PIWIL4: variants seen among roughly 807,000 people sequenced by gnomAD.
The protein encoded by PIWIL4 is piwi like RNA-mediated gene silencing 4, also known as piwi-like protein 4.
PIWIL4 carries 50 observed loss-of-function variants against 100.9 expected under a neutral mutation model. The ratio of observed to expected loss-of-function variants is 0.50; its 90% CI spans 0.39 to 0.63. The LOEUF (loss-of-function observed/expected upper bound fraction) is 0.63. PIWIL4 is among the 20% of genes least tolerant of loss of function. The pLI, the probability that PIWIL4 is intolerant of heterozygous loss-of-function variation, is 0.00. For missense variants in PIWIL4, 887 were observed against 1,043.3 expected, an observed-to-expected ratio of 0.85 and a Z score of 2.06; for synonymous variants, 342 against 367.5, an observed-to-expected ratio of 0.93 and a Z score of 0.79.
chr11:94,613,612 A>G (rs1287091861), intron 15 of PIWIL4, among the ~76,000 whole-genome samples: 1 of 152,184 alleles, frequency 6.6e-6, no homozygotes, highest in Non-Finnish European at 1.5e-5. Flanking sequence ...TGGTATCCCA[A>G]AAACTCCATA....
rs772232396 is a variant in PIWIL4 at position 94,589,237 on chromosome 11, G to A, written c.1026+5G>A. 6.3e-7 allele frequency: 1 copy of A among 1,574,990 alleles called. No individual in the cohort carries two copies. The highest frequency in any genetic ancestry group is 1.3e-5 in the African/African-American group (1 of 74,148). ...TATGTGGATTACTACAAGCAGGTAG[G>A]ACTTTTCTTCATGCATCTCTATCTC... On this transcript the variant is annotated splice_donor_5th_base_variant and intron_variant, in intron 8 of 19. Transcript: ENST00000299001.
chr11:94,613,548 C>T (rs971401647), intron 15 of PIWIL4, among the ~76,000 whole-genome samples: 4 of 152,168 alleles, frequency 2.6e-5, no homozygotes, highest in East Asian at 1.9e-4. Flanking sequence ...AAGCTTTCCA[C>T]CTATCTCTGT....
intron 8 of PIWIL4, among the ~76,000 whole-genome samples, chr11:94,589,800 G>A (rs1948458069): frequency 6.6e-6 from 1 of 152,100 alleles, no homozygotes. Flanking sequence ...TCCCCTCCCT[G>A]TCTCAGGTCA....
intron 15 of PIWIL4, among the ~76,000 whole-genome samples, chr11:94,612,952 T>C (rs1948803361): frequency 6.6e-6 from 1 of 152,218 alleles, no homozygotes; most frequent in South Asian, 2.1e-4. Flanking sequence ...TATTTTAAAA[T>C]ACTTTGATCT....
intron 9 of PIWIL4, among the ~76,000 whole-genome samples, chr11:94,594,265 G>A (rs1418064163): frequency 6.6e-6 from 1 of 151,894 alleles, no homozygotes; most frequent in African/African-American, 2.4e-5. Context: ...TCAGGAGTTC[G>A]AGACCAGCCT....
Position 94,583,492 on chromosome 11 carries a change from G to A in PIWIL4, c.558G>A (p.Lys186=). The change falls in exon 5 of 20, where the codon AAG becomes AAA. Residue 186 remains lysine (K), a synonymous_variant. Coordinates refer to ENST00000299001, the MANE Select transcript of PIWIL4 (RefSeq NM_152431.3). ...SSETQRGETI[K]MTITLKRELP... The stretch of plus-strand genomic sequence containing the variant: ...AAACTCAAAGAGGTGAGACTATAAA[G>A]ATGACTATCACCCTGAAGAGGGAGC... The A allele has an allele frequency of 6.2e-7, 1 of 1,613,826 alleles. No individual in the cohort carries two copies. The highest frequency in any genetic ancestry group is 8.5e-7 in the Non-Finnish European group (1 of 1,179,722).
intron 19 of PIWIL4, among the ~76,000 whole-genome samples, chr11:94,620,553 T>A (rs1319263530): frequency 6.6e-6 from 1 of 152,160 alleles, no homozygotes; most frequent in Non-Finnish European, 1.5e-5. Context: ...GGCCAAGAGC[T>A]GTTCCCAAAG....
chr11:94,590,410 C>T (rs1018299587), intron 8 of PIWIL4, among the ~76,000 whole-genome samples: 1 of 152,152 alleles, frequency 6.6e-6, no homozygotes, highest in East Asian at 1.9e-4. Context: ...TCTCCTTTGA[C>T]GTTTTCCTCC....
intron 11 of PIWIL4, among the ~76,000 whole-genome samples, chr11:94,599,086 C>T (rs1251696791): frequency 6.6e-6 from 1 of 152,078 alleles, no homozygotes; most frequent in Non-Finnish European, 1.5e-5. Context: ...TTTTTCAACA[C>T]AAAACAAAAC....
chr11:94,589,162 C>T lies in PIWIL4; in HGVS notation c.956C>T (p.Ser319Leu). 2 of 1,613,078 alleles carry T rather than the reference C, an allele frequency of 1.2e-6. No homozygotes were observed. Among genetic ancestry groups the T allele is most frequent in the Non-Finnish European group, 1.7e-6 (2 of 1,179,142 alleles). ...RTYSIDDIDW[S>L]VKPTHTFQKR... ...TACTCCATTGATGACATTGACTGGT[C>T]AGTGAAGCCCACACACACCTTTCAG... Residue 319 changes from serine to leucine, a missense_variant, in exon 8 of 20, where the codon TCA becomes TTA. Ser to Leu is a moderately radical substitution (Grantham distance 145). Coordinates refer to ENST00000299001, the MANE Select transcript of PIWIL4 (RefSeq NM_152431.3).
intron 11 of PIWIL4, 80 bp downstream of exon 11, chr11:94,597,995 G>A: frequency 4.7e-6 from 5 of 1,060,574 alleles, no homozygotes; most frequent in Middle Eastern, 4.1e-4. Flanking sequence ...AGAGTGGCTT[G>A]TGTGCTTATA....
intron 4 of PIWIL4, among the ~76,000 whole-genome samples, chr11:94,582,946 A>T (rs1022152776): frequency 1.3e-5 from 2 of 151,902 alleles, no homozygotes. Flanking sequence ...TGAACTTGGG[A>T]TGGGCAGGAC....
intron 4 of PIWIL4, among the ~76,000 whole-genome samples, chr11:94,578,684 T>C (rs1948275056): frequency 6.6e-6 from 1 of 152,238 alleles, no homozygotes. Context: ...ATAGCAGAAT[T>C]CATATTGCTC....
chr11:94,579,201 C>A (rs1591778918), intron 4 of PIWIL4, among the ~76,000 whole-genome samples: 1 of 152,042 alleles, frequency 6.6e-6, no homozygotes, highest in Admixed American at 6.5e-5. Flanking sequence ...TCTAGAATTG[C>A]CGTTTATTTA....
chr11:94,573,605 G>C (rs368803057), intron 2 of PIWIL4, among the ~76,000 whole-genome samples: 1 of 152,124 alleles, frequency 6.6e-6, no homozygotes, highest in Non-Finnish European at 1.5e-5. Context: ...TGATTTGCGT[G>C]TGTTGAACCA....
chr11:94,595,231 A>G (rs1948540630), intron 9 of PIWIL4, 78 bp from the exon 10 acceptor site: 3 of 1,145,840 alleles, frequency 2.6e-6, no homozygotes, highest in East Asian at 4.8e-5. Context: ...ATTCAAGTGG[A>G]AAGGTTTAAA....
At chr11:94,612,524 A>G (rs1350127432) in intron 15 of PIWIL4, among the ~76,000 whole-genome samples, 1 of 151,982 alleles carries the variant, frequency 6.6e-6, no homozygotes, top group East Asian at 1.9e-4. Flanking sequence ...TTGATTGGAG[A>G]ATTTAATCCA....
In PIWIL4 at chr11:94,567,428, G is replaced by A. The variant is rs916398787; in HGVS notation, c.-91G>A. ...ACATCCACCGCCTCCAGGCAGTTTC[G>A]CCGTCACACCGTCGCCATCTGTAGC... On this transcript the variant is annotated 5_prime_UTR_variant, in exon 1 of 20. Transcript: ENST00000299001. 6.7e-6 allele frequency: 8 copies of A among 1,195,848 alleles called. No individual in the cohort carries two copies. Among genetic ancestry groups the A allele is most frequent in the Admixed American group, 5.7e-5 (2 of 35,306 alleles). 74.1% of individuals were successfully genotyped at this position (1,195,848 alleles called of 1,614,324 possible).
In PIWIL4 at chr11:94,607,436, T is replaced by C. The variant is rs369979514; in HGVS notation, c.1639-3T>C. On this transcript the variant is annotated splice_polypyrimidine_tract_variant and splice_region_variant and intron_variant, in intron 13 of 19. Coordinates refer to ENST00000299001, the MANE Select transcript of PIWIL4 (RefSeq NM_152431.3). Reference sequence around the variant, plus strand: ...CAAAATCTTTTGCTGTTTTTGCTTTTAGGTAATGTGCATTCTGCCTTCTAA... The same window carrying C: ...CAAAATCTTTTGCTGTTTTTGCTTTCAGGTAATGTGCATTCTGCCTTCTAA... The C allele has an allele frequency of 1.8e-5, 29 of 1,612,786 alleles. No homozygotes were observed. The South Asian group carries it at 1.9e-4, about 10-fold the overall frequency.
Sources: allele counts gnomAD v4.1 joint callset (sites outside exome capture counted in the v4.1 genomes callset), GRCh38; gene constraint gnomAD v4.1.1; transcripts MANE v1.5; gene names NCBI Gene and HGNC (gene_info 2026-07-23, HGNC 2026-07-21).